The following CLCN6 variants were observed in gnomAD, a reference collection of about 807,000 sequenced individuals.
CLCN6 encodes the protein Cl-/H+ antiporter 6, also known as H(+)/Cl(-) exchange transporter 6.
A neutral mutation model predicts 109.8 loss-of-function variants in CLCN6; 70 were observed. The ratio of observed to expected loss-of-function variants is 0.64; its 90% CI spans 0.53 to 0.78. CLCN6 has a LOEUF of 0.78. CLCN6 is among the 30% of genes least tolerant of loss of function. CLCN6 has a pLI of 0.00. For synonymous variants in CLCN6, 444 were observed against 447.8 expected, an observed-to-expected ratio of 0.99 and a Z score of 0.11; for missense variants, 984 against 1,142.3, an observed-to-expected ratio of 0.86 and a Z score of 2.00.
chr1:11,826,957 T>C, intron 9 of CLCN6, 132 bp from the exon 10 acceptor site: 1 of 1,141,438 alleles, frequency 8.8e-7, no homozygotes, highest in Non-Finnish European at 1.2e-6. Flanking sequence ...GCCTCACCAG[T>C]GACCTGCCCT....
intron 12 of CLCN6, 74 bp from the exon 13 acceptor site, chr1:11,829,122 C>A (rs1644849310): frequency 1.3e-6 from 2 of 1,566,928 alleles, no homozygotes; most frequent in Admixed American, 3.5e-5. Context: ...TGGGGGTAGG[C>A]AGGGTTATGT....
chr1:11,826,317 G>A, intron 9 of CLCN6, 103 bp downstream of exon 9: 1 of 951,380 alleles, frequency 1.1e-6, no homozygotes, highest in Admixed American at 2.0e-5. Context: ...CCCCTGCGGG[G>A]AAACCCGACT....
intron 11 of CLCN6, 116 bp downstream of exon 11, chr1:11,828,335 C>T: frequency 1.4e-6 from 2 of 1,418,692 alleles, no homozygotes; most frequent in Middle Eastern, 1.8e-4. Context: ...GGACACATCT[C>T]ACCCATTAGC....
chr1:11,811,901 A>T (rs534089151), intron 2 of CLCN6, among the ~76,000 whole-genome samples: 6 of 152,118 alleles, frequency 3.9e-5, no homozygotes, highest in Non-Finnish European at 8.8e-5. Context: ...AGTAATTTCC[A>T]TACATATTTT....
intron 2 of CLCN6, 120 bp from the exon 3 acceptor site, chr1:11,815,726 G>T: frequency 2.7e-6 from 2 of 737,376 alleles, no homozygotes; most frequent in Non-Finnish European, 4.8e-6. Context: ...CTCCTCCTGG[G>T]TGCTGCAGGT....
At chr1:11,830,737 TTATATA>T (rs369772847) in intron 13 of CLCN6, among the ~76,000 whole-genome samples, 7,477 of 91,092 alleles carry the variant, frequency 0.082, 308 homozygotes, top group South Asian at 0.19. Context: ...TATGTATATA[TTATATA>T]TATATATATA....
intron 2 of CLCN6, among the ~76,000 whole-genome samples, chr1:11,807,435 G>C (rs200110865): frequency 6.6e-6 from 1 of 152,224 alleles, no homozygotes; most frequent in South Asian, 2.1e-4. Context: ...GATAGAGTAT[G>C]TATTTGCCAT....
In CLCN6 at chr1:11,836,985, C is replaced by T. The variant is rs755381717; in HGVS notation, c.1981-14C>T. On this transcript the variant is annotated splice_polypyrimidine_tract_variant and intron_variant, in intron 18 of 22. Coordinates refer to ENST00000346436, the MANE Select transcript of CLCN6 (RefSeq NM_001286.5). Reference sequence around the variant, plus strand: ...TTGCCCATGCGCAGTAGCCTGTGGCCTCCCCACCCACAGAAATCCAGCATC... The same window carrying T: ...TTGCCCATGCGCAGTAGCCTGTGGCTTCCCCACCCACAGAAATCCAGCATC... The T allele has an allele frequency of 1.7e-5, 27 of 1,606,326 alleles. No homozygotes were observed. Among genetic ancestry groups the T allele is most frequent in the South Asian group, 8.8e-5 (8 of 91,078 alleles).
rs185215612 is a variant in CLCN6, at chr1:11,831,786, C to T, written c.1249-1729C>T. 2.6e-3 allele frequency among the ~76,000 whole-genome samples: 389 copies of T among 152,162 alleles called. 3 individuals are homozygous for T. The highest frequency in any genetic ancestry group is 8.5e-3 in the African/African-American group (351 of 41,492). On this transcript the variant is annotated intron_variant, in intron 13 of 22. Coordinates refer to ENST00000346436, the MANE Select transcript of CLCN6 (RefSeq NM_001286.5). ...GTAACCTCAAACTCCTGGGCTCAAG[C>T]GATCCTCCCATCTCAGCCTCCCAAG...
intron 18 of CLCN6, among the ~76,000 whole-genome samples, 198 bp downstream of exon 18, chr1:11,836,351 G>A (rs771795028): frequency 1.6e-4 from 25 of 152,166 alleles, no homozygotes; most frequent in African/African-American, 3.6e-4. Context: ...ATGTGTGTGC[G>A]TTCTTGCCGC....
At chr1:11,819,904 A>G (rs1644719995) in intron 5 of CLCN6, among the ~76,000 whole-genome samples, 1 of 152,242 alleles carries the variant, frequency 6.6e-6, no homozygotes, top group Non-Finnish European at 1.5e-5. Context: ...CAGTCAGTAT[A>G]GTTCTAAATG....
At chr1:11,827,068 C>T (rs41275476) in intron 9 of CLCN6, 21 bp from the exon 10 acceptor site, 77,284 of 1,611,336 alleles carry the variant, frequency 0.048, 2,091 homozygotes, top group Middle Eastern at 0.11. Context: ...ATTGGATAAC[C>T]CGTCTCTCTC....
rs1401167856 is a variant in CLCN6 at position 11,840,715 on chromosome 1, T to A, written c.*492T>A. On this transcript the variant is annotated 3_prime_UTR_variant, in exon 23 of 23. Coordinates refer to ENST00000346436, the MANE Select transcript of CLCN6 (RefSeq NM_001286.5). ...TGGGCACTGAGAAAATTCTCAATAT[T>A]TCAGAGAGTCCTTCCCTTATTTGGG... The A allele has an allele frequency of 1.0e-5, 2 of 196,378 alleles. No individual in the cohort carries two copies. The highest frequency in any genetic ancestry group is 2.2e-5 in the Non-Finnish European group (2 of 92,888). 12.2% of individuals were successfully genotyped at this position (196,378 alleles called of 1,614,324 possible).
In CLCN6 at chr1:11,837,343, A is replaced by T; in HGVS notation, c.2139A>T (p.Arg713Ser). Residue 713 changes from arginine to serine, a missense_variant and splice_region_variant, in exon 20 of 23, where the codon AGA becomes AGT. Physicochemically the swap from Arg to Ser is moderately radical, Grantham distance 110. Coordinates refer to ENST00000346436, the MANE Select transcript of CLCN6 (RefSeq NM_001286.5). ...EDLLQQMLER[R>S]YTPYPNLYPD... ...GCAGCATCTGGTTTTTGTGTAACAG[A>T]TACACTCCCTACCCCAACCTATACC... is the stretch of plus-strand genomic sequence containing the variant. 6.2e-7 allele frequency: 1 copy of T among 1,608,584 alleles called. No individual in the cohort carries two copies. The highest frequency in any genetic ancestry group is 8.5e-7 in the Non-Finnish European group (1 of 1,175,410).
intron 17 of CLCN6, among the ~76,000 whole-genome samples, 180 bp from the exon 18 acceptor site, chr1:11,835,787 A>C (rs1050236730): frequency 3.9e-5 from 6 of 152,162 alleles, no homozygotes; most frequent in Non-Finnish European, 8.8e-5. Context: ...GTGCGGGAAC[A>C]GCATGTGTCG....
At chr1:11,837,185 C>T (rs768531783) in intron 19 of CLCN6, 29 bp downstream of exon 19, 49 of 1,610,430 alleles carry the variant, frequency 3.0e-5, no homozygotes, top group Non-Finnish European at 3.9e-5. Context: ...CCCCACTGCC[C>T]GCAGGGCTAC....
intron 8 of CLCN6, 43 bp from the exon 9 acceptor site, chr1:11,826,113 A>G (rs769290242): frequency 7.0e-7 from 1 of 1,430,918 alleles, no homozygotes; most frequent in Non-Finnish European, 9.8e-7. Flanking sequence ...GTATTTGGTT[A>G]TATGAGTAGG....
chr1:11,825,031 A>T (rs867262070), intron 8 of CLCN6, among the ~76,000 whole-genome samples: 1 of 152,158 alleles, frequency 6.6e-6, no homozygotes. Flanking sequence ...GCCACCTTCA[A>T]TGATTCGTTG....
chr1:11,839,440 A>G (rs549679287), intron 22 of CLCN6, among the ~76,000 whole-genome samples: 47 of 152,246 alleles, frequency 3.1e-4, no homozygotes, highest in Non-Finnish European at 5.3e-4. Context: ...TTTTGTATTT[A>G]TGGTAGAGAC....
Sources: allele counts gnomAD v4.1 joint callset (sites outside exome capture counted in the v4.1 genomes callset), GRCh38; gene constraint gnomAD v4.1.1; transcripts MANE v1.5; gene names NCBI Gene and HGNC (gene_info 2026-07-23, HGNC 2026-07-21).